The following ASB5 variants were observed in gnomAD, a reference collection of about 807,000 sequenced individuals.
The protein encoded by ASB5 is ankyrin repeat and SOCS box protein 5.
In ASB5, 45 loss-of-function variants were observed where a neutral mutation model predicts 42.1. The observed-to-expected ratio is 1.07, with a 90% CI of 0.84 to 1.37. The LOEUF (loss-of-function observed/expected upper bound fraction) is 1.37, where lower values mean the gene tolerates loss of function less well. Among genes scored for constraint, ASB5 ranks in the 40% most tolerant of loss-of-function variants. The pLI is 0.00. For synonymous variants in ASB5, 147 were observed against 150.6 expected, an observed-to-expected ratio of 0.98 and a Z score of 0.18; for missense variants, 402 against 399.8, an observed-to-expected ratio of 1.01 and a Z score of -0.05.
intron 1 of ASB5, chr4:176,241,519 G>A (rs775949414): frequency 1.8e-5 from 27 of 1,534,590 alleles, no homozygotes; most frequent in Admixed American, 1.4e-4. Flanking sequence ...CCATTATTCA[G>A]TTCTCAGAGG....
chr4:176,222,535 G>A lies in ASB5; in HGVS notation c.277-115C>T, dbSNP rs185281699. 1.5e-3 allele frequency: 1,421 copies of A among 963,056 alleles called. 17 individuals are homozygous for A. In the Admixed American group the frequency reaches 0.024, roughly 16 times the overall value. The allele number at this position is 963,056 out of a possible 1,614,324, so 59.7% of individuals were successfully genotyped here. A position where few individuals can be genotyped will look rare whatever the true frequency, so the allele number is the denominator to read the frequency against. On this transcript the variant is annotated intron_variant, in intron 2 of 6. Transcript: ENST00000296525. ...AGACATCAAAGAATCTCAGGCAAAC[G>A]AGTTTCCAGTTTAGCAGGATAGGCC...
chr4:176,267,648 TG>T (rs1369936926), intron 1 of ASB5, among the ~76,000 whole-genome samples: 8 of 152,170 alleles, frequency 5.3e-5, no homozygotes, highest in Admixed American at 1.3e-4. Context: ...TAGTTCTCTC[TG>T]TTCTAAGGCA....
intron 5 of ASB5, among the ~76,000 whole-genome samples, chr4:176,217,906 G>C (rs1450756013): frequency 6.6e-6 from 1 of 151,782 alleles, no homozygotes; most frequent in African/African-American, 2.4e-5. Flanking sequence ...AAGCAGTACA[G>C]TTAAAGTGTC....
intron 1 of ASB5, among the ~76,000 whole-genome samples, chr4:176,231,223 T>C (rs574871792): frequency 0.011 from 879 of 78,092 alleles, 7 homozygotes; most frequent in Admixed American, 0.019. Context: ...ATCCGACTCA[T>C]AATTTTTTTT....
chr4:176,271,137 T>G (rs2126981736), upstream of ASB5, among the ~76,000 whole-genome samples: 1 of 152,316 alleles, frequency 6.6e-6, no homozygotes, highest in South Asian at 2.1e-4. Context: ...GGATTTTATG[T>G]CAAGATATCA....
intron 1 of ASB5, chr4:176,249,550 G>C (rs552520470): frequency 1.3e-5 from 2 of 152,198 alleles, no homozygotes; most frequent in Admixed American, 1.3e-4. Context: ...CAGATCTGCT[G>C]AATGTCTGCT....
At chr4:176,226,099 A>T (rs1446061098) in intron 1 of ASB5, among the ~76,000 whole-genome samples, 1 of 152,218 alleles carries the variant, frequency 6.6e-6, no homozygotes, top group Non-Finnish European at 1.5e-5. Context: ...CACCTAGAGA[A>T]TGGGTAAAGC....
chr4:176,260,282 AAAAATCTT>A (rs1344495435), intron 1 of ASB5, among the ~76,000 whole-genome samples: 1 of 152,244 alleles, frequency 6.6e-6, no homozygotes, highest in Non-Finnish European at 1.5e-5. Context: ...GGCCTTCTAG[AAAAATCTT>A]AAATCTACCT....
At chr4:176,232,034 T>A (rs1579318897) in intron 1 of ASB5, among the ~76,000 whole-genome samples, 1 of 151,978 alleles carries the variant, frequency 6.6e-6, no homozygotes, top group East Asian at 1.9e-4. Context: ...GGAGAGGGAA[T>A]AAGCAATGAC....
intron 5 of ASB5, among the ~76,000 whole-genome samples, chr4:176,219,589 T>TATATTTGTATGATATATAA (rs1183383503): frequency 1.1e-4 from 5 of 43,990 alleles, no homozygotes; most frequent in Non-Finnish European, 2.1e-4. Flanking sequence ...TATATATATA[T>TATATTTGTATGATATATAA]ATATATATAT....
intron 1 of ASB5, among the ~76,000 whole-genome samples, chr4:176,262,650 C>T (rs779063857): frequency 6.2e-4 from 94 of 152,152 alleles, no homozygotes; most frequent in Non-Finnish European, 1.2e-3. Context: ...ATCCATCTTT[C>T]TTCCACTAAA....
In ASB5 at chr4:176,217,480, G is replaced by A. The variant is rs991653636; in HGVS notation, c.671-471C>T. On this transcript the variant is annotated intron_variant, in intron 5 of 6. Transcript: ENST00000296525. Reference sequence around the variant, plus strand: ...GGCAATGAAGCTCTTTGGTTTTCTTGGGAAACTCATGAATATGTGAGCTAT... The same window carrying A: ...GGCAATGAAGCTCTTTGGTTTTCTTAGGAAACTCATGAATATGTGAGCTAT... 2.0e-5 allele frequency among the ~76,000 whole-genome samples: 3 copies of A among 151,834 alleles called. No individual in the cohort carries two copies. The East Asian group carries it at 5.8e-4, about 29-fold the overall frequency.
rs374841633 is a variant in ASB5, at chr4:176,238,802, C to T, written c.197-13461G>A. On this transcript the variant is annotated intron_variant, in intron 1 of 6. Transcript: ENST00000296525. ...TCTGTCCTATGCACTACCCTATGGA[C>T]ATTTGCTGCCATATTACACTGCCAG... Among the ~76,000 whole-genome samples, 26 of 152,282 alleles carry T rather than the reference C, an allele frequency of 1.7e-4. No homozygotes were observed. The South Asian group carries it at 5.4e-3, about 32-fold the overall frequency.
At chr4:176,275,590 C>T (rs1482396053) in intron 2 of ASB5, among the ~76,000 whole-genome samples, 2 of 152,226 alleles carry the variant, frequency 1.3e-5, no homozygotes, top group Admixed American at 6.5e-5. Context: ...TCTCCCAGCT[C>T]CCTACGATCC....
chr4:176,236,069 AT>A (rs1579321282), intron 1 of ASB5, among the ~76,000 whole-genome samples: 3 of 152,170 alleles, frequency 2.0e-5, no homozygotes, highest in Admixed American at 1.3e-4. Flanking sequence ...AGAAAATTAG[AT>A]TTTTGACATA....
intron 1 of ASB5, among the ~76,000 whole-genome samples, chr4:176,259,170 T>C (rs1456023746): frequency 1.3e-5 from 2 of 152,148 alleles, no homozygotes; most frequent in Non-Finnish European, 2.9e-5. Context: ...TACAATGAAG[T>C]ATTTATTCTT....
At chr4:176,258,008 C>T (rs1486364807) in intron 1 of ASB5, among the ~76,000 whole-genome samples, 2 of 152,118 alleles carry the variant, frequency 1.3e-5, no homozygotes, top group African/African-American at 2.4e-5. Context: ...TTGTAGTAAC[C>T]GTTTGGCAAA....
intron 1 of ASB5, chr4:176,241,511 A>G (rs775317888): frequency 1.3e-6 from 2 of 1,535,282 alleles, no homozygotes; most frequent in African/African-American, 1.4e-5. Context: ...GGAAGGGGCC[A>G]TTATTCAGTT....
chr4:176,249,796 T>C (rs1753988002), intron 1 of ASB5, among the ~76,000 whole-genome samples: 1 of 152,084 alleles, frequency 6.6e-6, no homozygotes, highest in African/African-American at 2.4e-5. Context: ...CCGGGCGCGG[T>C]GGCTCACGCC....
Sources: gnomAD v4.1 joint callset for allele counts (sites outside exome capture counted in the v4.1 genomes callset) on GRCh38, gnomAD v4.1.1 for gene constraint, MANE v1.5 for transcripts, NCBI Gene and HGNC (gene_info 2026-07-23, HGNC 2026-07-21) for gene names.